The following GFPT2 variants were observed in gnomAD, a reference collection of about 807,000 sequenced individuals.
GFPT2 encodes the protein glutamine--fructose-6-phosphate aminotransferase [isomerizing] 2.
A neutral mutation model predicts 85.6 loss-of-function variants in GFPT2; 62 were observed. That is an observed-to-expected ratio of 0.72 (90% CI 0.59 to 0.90). The LOEUF (loss-of-function observed/expected upper bound fraction) is 0.90. Ranked by LOEUF, GFPT2 falls within the 40% of genes least tolerant of loss-of-function variation. The probability of loss-of-function intolerance (pLI) is 0.00; values close to 1 mark genes in which losing one functional copy is unlikely to be tolerated. For synonymous variants in GFPT2, 368 were observed against 344.5 expected (o/e 1.07, Z -0.75); for missense variants, 788 against 893.4 (o/e 0.88, Z 1.50).
intron 4 of GFPT2, among the ~76,000 whole-genome samples, chr5:180,332,355 G>C (rs960192975): frequency 1.3e-5 from 2 of 152,168 alleles, no homozygotes; most frequent in African/African-American, 4.8e-5. Flanking sequence ...AAAGATCCAA[G>C]GCCAGCCTGA....
rs1375143554 is a variant in GFPT2 at position 180,340,403 on chromosome 5, TC to T, written c.8-1804del. Among the ~76,000 whole-genome samples the T allele has an allele frequency of 7.3e-5, 11 of 151,502 alleles. No individual in the cohort carries two copies. The South Asian group carries it at 1.3e-3, about 17-fold the overall frequency. ...GTATTTTTAGTAGAGATGGGGTTTC[TC>T]CATGTTGGCCAGGCTGGTCTCGAAC... On this transcript the variant is annotated intron_variant, in intron 1 of 18. Coordinates refer to ENST00000253778, the MANE Select transcript of GFPT2 (RefSeq NM_005110.4).
chr5:180,301,663 C>T lies in GFPT2; in HGVS notation c.2005-55G>A, dbSNP rs568202568. On this transcript the variant is annotated intron_variant, in intron 18 of 18. Coordinates refer to ENST00000253778, the MANE Select transcript of GFPT2 (RefSeq NM_005110.4). The stretch of plus-strand genomic sequence containing the variant: ...CCCCAAAGATCTCAGCAACATGCTA[C>T]CTCTCACAGACAATTTTCAGAGTAC... 2.2e-6 allele frequency: 3 copies of T among 1,390,078 alleles called. No homozygotes were observed. The African/African-American group carries it at 4.2e-5, about 20-fold the overall frequency. The allele number at this position is 1,390,078 out of a possible 1,614,324, so 86.1% of individuals were successfully genotyped here.
chr5:180,315,643 A>G (rs955382509), intron 13 of GFPT2, among the ~76,000 whole-genome samples: 9 of 152,206 alleles, frequency 5.9e-5, no homozygotes, highest in Non-Finnish European at 1.2e-4. Context: ...TAGGATATTC[A>G]TTATATGAAA....
At chr5:180,344,272 C>T (rs1257977162) in intron 1 of GFPT2, among the ~76,000 whole-genome samples, 1 of 152,198 alleles carries the variant, frequency 6.6e-6, no homozygotes, top group Non-Finnish European at 1.5e-5. Context: ...GCCCAGAGGG[C>T]AGTCAAAGGT....
At chr5:180,312,075 CT>C (rs1405827987) in intron 15 of GFPT2, among the ~76,000 whole-genome samples, 61 of 67,220 alleles carry the variant, frequency 9.1e-4, no homozygotes, top group East Asian at 1.3e-3. Context: ...GGCGGGGAGG[CT>C]GAGGACCAGG....
At position 180,330,556 on chromosome 5, in the gene GFPT2, G is replaced by A. The variant is rs766489211; in HGVS notation, c.534+144C>T. 4.6e-6 allele frequency: 3 copies of A among 656,006 alleles called. No individual in the cohort carries two copies. Among genetic ancestry groups the A allele is most frequent in the Admixed American group, 2.7e-5 (1 of 36,822 alleles). The allele number at this position is 656,006 out of a possible 1,614,324, so 40.6% of individuals were successfully genotyped here. ...TAAGGCCAGGCTCTGCAGATGGGCT[G>A]TCTTTTATCCCCAGGACTCTGTGCA... On this transcript the variant is annotated intron_variant, in intron 6 of 18. Transcript: ENST00000253778. This position sits in a 1 kb window ranked among gnomAD's most constrained non-coding sequence, Gnocchi z 4.4.
At chr5:180,346,594 T>C (rs1328640214) in intron 1 of GFPT2, among the ~76,000 whole-genome samples, 1 of 152,222 alleles carries the variant, frequency 6.6e-6, no homozygotes, top group East Asian at 1.9e-4. Context: ...GAGCCCGCCT[T>C]GCTCCCCATG....
intron 9 of GFPT2, among the ~76,000 whole-genome samples, chr5:180,320,514 T>C (rs1167889664): frequency 6.6e-6 from 1 of 152,144 alleles, no homozygotes; most frequent in Non-Finnish European, 1.5e-5. Flanking sequence ...GGCTCACACC[T>C]GTAATCCTAG....
At chr5:180,309,934 C>T (rs1441695143) in intron 15 of GFPT2, among the ~76,000 whole-genome samples, 1 of 151,776 alleles carries the variant, frequency 6.6e-6, no homozygotes, top group African/African-American at 2.4e-5. Context: ...CCTCAGCCCC[C>T]CGAGTAGCTG....
intron 4 of GFPT2, among the ~76,000 whole-genome samples, chr5:180,333,045 C>T (rs1330117485): frequency 1.3e-5 from 2 of 152,108 alleles, no homozygotes; most frequent in Non-Finnish European, 2.9e-5. Context: ...AAGAAAAGCC[C>T]AGTTTCAACA....
At chr5:180,302,321 T>A (rs1395771375) in intron 18 of GFPT2, 102 bp downstream of exon 18, 2 of 809,918 alleles carry the variant, frequency 2.5e-6, no homozygotes, top group Admixed American at 2.7e-5. Flanking sequence ...TTAAATAAAA[T>A]TATTTACTCT....
chr5:180,329,329 C>G (rs1036909348), intron 6 of GFPT2, among the ~76,000 whole-genome samples: 1 of 152,098 alleles, frequency 6.6e-6, no homozygotes, highest in Admixed American at 6.5e-5. Context: ...TCAGGCAGAC[C>G]CTGGTGCTTT....
At chr5:180,326,341 G>A (rs902895473) in intron 7 of GFPT2, among the ~76,000 whole-genome samples, 1 of 151,268 alleles carries the variant, frequency 6.6e-6, no homozygotes, top group Non-Finnish European at 1.5e-5. Flanking sequence ...TCAAACACAT[G>A]AATTGGAATA....
rs1200898007 is a variant in GFPT2, at chr5:180,318,945, T to A, written c.806A>T (p.Glu269Val). The A allele has an allele frequency of 2.5e-6, 4 of 1,612,830 alleles. No individual in the cohort carries two copies. Among genetic ancestry groups the A allele is most frequent in the Non-Finnish European group, 3.4e-6 (4 of 1,179,992 alleles). Residue 269 changes from glutamate to valine, a missense_variant, in exon 10 of 19, where the codon GAG (glutamate) becomes GTG (valine). Coordinates refer to ENST00000253778, the MANE Select transcript of GFPT2 (RefSeq NM_005110.4). This position sits in a 1 kb window ranked among gnomAD's most constrained non-coding sequence, Gnocchi z 4.2. ...CAGGAAGATGACCCGGTTGGTGTGCTCTATGATAGCGCTGGGGCAAGGGAA... is the reference window on the plus strand; with the variant it reads ...CAGGAAGATGACCCGGTTGGTGTGCACTATGATAGCGCTGGGGCAAGGGAA... ...FFASDASAIIEHTNRVIFLED... is the reference protein window; with the variant it reads ...FFASDASAIIVHTNRVIFLED...
At chr5:180,331,612 G>T in intron 4 of GFPT2, 59 bp from the exon 5 acceptor site, 1 of 994,042 alleles carries the variant, frequency 1.0e-6, no homozygotes. Flanking sequence ...CAGATGTGAA[G>T]AGAGATGATT....
intron 13 of GFPT2, among the ~76,000 whole-genome samples, chr5:180,315,337 C>CCGGCTA (rs1292006412): frequency 2.7e-4 from 41 of 152,132 alleles, no homozygotes; most frequent in Admixed American, 2.7e-3. Flanking sequence ...GCCACCACGC[C>CCGGCTA]CGGCTAATTG....
intron 2 of GFPT2, among the ~76,000 whole-genome samples, chr5:180,337,744 C>A (rs1166386037): frequency 6.6e-6 from 1 of 152,012 alleles, no homozygotes; most frequent in Non-Finnish European, 1.5e-5. Flanking sequence ...GCACGTGTGC[C>A]CCCATGAAAC....
intron 2 of GFPT2, 86 bp from the exon 3 acceptor site, chr5:180,336,663 A>C (rs1396407952): frequency 3.4e-6 from 3 of 875,628 alleles, no homozygotes; most frequent in East Asian, 4.8e-5. Context: ...TCAGGGCTGC[A>C]TGCCCCGGGC....
At chr5:180,312,313 G>A in intron 15 of GFPT2, 117 bp downstream of exon 15, 1 of 676,032 alleles carries the variant, frequency 1.5e-6, no homozygotes, top group Non-Finnish European at 2.7e-6. Context: ...GGGAAGCTAG[G>A]AAGTTTTAGG....
Sources: allele counts gnomAD v4.1 joint callset (sites outside exome capture counted in the v4.1 genomes callset), GRCh38; gene constraint gnomAD v4.1.1; non-coding constraint Gnocchi (gnomAD v3.1); transcripts MANE v1.5; gene names NCBI Gene and HGNC (gene_info 2026-07-23, HGNC 2026-07-21).